The following CFAP77 variants were observed in gnomAD, a reference collection of about 807,000 sequenced individuals.
CFAP77 encodes the protein cilia- and flagella-associated protein 77.
In CFAP77, 25 loss-of-function variants were observed where a neutral mutation model predicts 31.1. The observed-to-expected ratio is 0.80, with a 90% CI of 0.59 to 1.12. CFAP77 has a LOEUF of 1.12. Ranked by LOEUF, CFAP77 falls within the 50% of genes most tolerant of loss-of-function variation. The pLI is 0.00. For synonymous variants in CFAP77, 151 were observed against 159.9 expected, an observed-to-expected ratio of 0.94 and a Z score of 0.42; for missense variants, 377 against 397.3, an observed-to-expected ratio of 0.95 and a Z score of 0.44.
chr9:132,449,748 T>C (rs1434246627), intron 1 of CFAP77, among the ~76,000 whole-genome samples: 13 of 152,216 alleles, frequency 8.5e-5, no homozygotes, highest in Admixed American at 8.5e-4. Flanking sequence ...TTTGCAAGGT[T>C]CTGCGATATC....
At chr9:132,537,219 T>A (rs1589914109) in intron 3 of CFAP77, among the ~76,000 whole-genome samples, 1 of 151,802 alleles carries the variant, frequency 6.6e-6, no homozygotes, top group Non-Finnish European at 1.5e-5. Context: ...GGGGTGCAGG[T>A]GAGGAACTTA....
At chr9:132,546,251 A>C (rs1414296422) in intron 5 of CFAP77, among the ~76,000 whole-genome samples, 1 of 152,058 alleles carries the variant, frequency 6.6e-6, no homozygotes, top group Non-Finnish European at 1.5e-5. Flanking sequence ...CTGGGCCTGG[A>C]CTCAGGGGTC....
intron 1 of CFAP77, among the ~76,000 whole-genome samples, chr9:132,460,784 A>G (rs1385463769): frequency 1.3e-5 from 2 of 152,162 alleles, no homozygotes; most frequent in African/African-American, 4.8e-5. Flanking sequence ...GCTGGAGTGC[A>G]GTGCAATCTC....
intron 1 of CFAP77, among the ~76,000 whole-genome samples, chr9:132,438,541 A>ATATATAT: frequency 1.8e-5 from 2 of 108,154 alleles, no homozygotes; most frequent in Non-Finnish European, 3.6e-5. Context: ...ATATATATAT[A>ATATATAT]TTTTTTTTTT....
intron 5 of CFAP77, among the ~76,000 whole-genome samples, chr9:132,550,409 C>T (rs945378912): frequency 1.3e-5 from 2 of 151,954 alleles, no homozygotes; most frequent in African/African-American, 2.4e-5. Context: ...TTTCTTCTTC[C>T]GACTTCTAGC....
rs1210587976 is a variant in CFAP77, at chr9:132,554,349, A to AT, written c.732+11305dup. On this transcript the variant is annotated intron_variant, in intron 5 of 5. Coordinates refer to ENST00000393216, the MANE Select transcript of CFAP77 (RefSeq NM_001282957.2). The surrounding 1 kb of genome is among the most constrained non-coding windows in gnomAD (Gnocchi z 4.1). ...TTTATGCAACCCTTATTTTTATTTT[A>AT]TTTATTTTTTTTTTTGAGACAGGCT... 6.6e-6 allele frequency among the ~76,000 whole-genome samples: 1 copy of AT among 150,480 alleles called. No homozygotes were observed. Among genetic ancestry groups the AT allele is most frequent in the Non-Finnish European group, 1.5e-5 (1 of 67,800 alleles).
chr9:132,481,417 C>T lies in CFAP77; in HGVS notation c.196-17278C>T, dbSNP rs573778870. On this transcript the variant is annotated intron_variant, in intron 1 of 5. Transcript: ENST00000393216. This position sits in a 1 kb window ranked among gnomAD's most constrained non-coding sequence, Gnocchi z 5.0. ...CCTATTTCTTTTCCCTTTGACTAGC[C>T]GCCTAATCCTCGAACTCACTCCTTA... is the stretch of plus-strand genomic sequence containing the variant. Among the ~76,000 whole-genome samples the T allele has an allele frequency of 6.6e-6, 1 of 152,300 alleles. No homozygotes were observed. The highest frequency in any genetic ancestry group is 2.4e-5 in the African/African-American group (1 of 41,554).
rs573537640 is a variant in CFAP77 at position 132,511,278 on chromosome 9, C to T, written c.524+11678C>T. Among the ~76,000 whole-genome samples, 1 of 152,266 alleles carries T rather than the reference C, an allele frequency of 6.6e-6. No individual in the cohort carries two copies. Among genetic ancestry groups the T allele is most frequent in the Admixed American group, 6.5e-5 (1 of 15,288 alleles). On this transcript the variant is annotated intron_variant, in intron 3 of 5. Coordinates refer to ENST00000393216, the MANE Select transcript of CFAP77 (RefSeq NM_001282957.2). This position sits in a 1 kb window ranked among gnomAD's most constrained non-coding sequence, Gnocchi z 5.8. ...CTTCAGTCCCCTGAACTCCCTCCCT[C>T]CCCACGTTTCTCTGGACTCACAGGT...
chr9:132,452,764 A>G (rs1850848255), intron 1 of CFAP77, among the ~76,000 whole-genome samples: 1 of 152,134 alleles, frequency 6.6e-6, no homozygotes. Flanking sequence ...GGGGTGCCTC[A>G]TGCAGCAGGG....
chr9:132,442,301 A>T (rs1589852515), intron 1 of CFAP77, among the ~76,000 whole-genome samples: 1 of 152,248 alleles, frequency 6.6e-6, no homozygotes, highest in Admixed American at 6.5e-5. Flanking sequence ...CTATAATCCC[A>T]GCACTTTGGG....
intron 5 of CFAP77, among the ~76,000 whole-genome samples, chr9:132,559,858 G>A (rs931558956): frequency 8.5e-5 from 13 of 152,172 alleles, no homozygotes; most frequent in South Asian, 4.1e-4. Context: ...GGAATGAAGC[G>A]GTCCTCTGTG....
intron 3 of CFAP77, among the ~76,000 whole-genome samples, chr9:132,503,028 C>T (rs971825516): frequency 6.6e-6 from 1 of 152,168 alleles, no homozygotes; most frequent in Admixed American, 6.5e-5. Flanking sequence ...TAAGTTTTCC[C>T]ACCTCTCGTG....
At chr9:132,515,097 C>T (rs529339152) in intron 3 of CFAP77, among the ~76,000 whole-genome samples, 178 of 152,146 alleles carry the variant, frequency 1.2e-3, no homozygotes, top group Middle Eastern at 3.4e-3. Context: ...AACCACTTGG[C>T]GGGGGTGGGG....
chr9:132,518,242 G>A (rs192111082), intron 3 of CFAP77, among the ~76,000 whole-genome samples: 111 of 152,164 alleles, frequency 7.3e-4, no homozygotes, highest in African/African-American at 2.6e-3. Flanking sequence ...AGGACAAATC[G>A]GACTCCTTTG....
chr9:132,447,595 G>T (rs1850747838), intron 1 of CFAP77, among the ~76,000 whole-genome samples: 1 of 152,210 alleles, frequency 6.6e-6, no homozygotes. Flanking sequence ...GCTGCGGTCG[G>T]TCCGCGTAGA....
intron 1 of CFAP77, among the ~76,000 whole-genome samples, chr9:132,469,609 C>G (rs567423367): frequency 6.0e-4 from 92 of 152,124 alleles, no homozygotes; most frequent in Non-Finnish European, 1.2e-3. Flanking sequence ...CCATGCATCA[C>G]TTATGGGCTT....
At chr9:132,486,282 T>C (rs146284204) in intron 1 of CFAP77, among the ~76,000 whole-genome samples, 2,825 of 150,078 alleles carry the variant, frequency 0.019, 93 homozygotes, top group African/African-American at 0.064. Flanking sequence ...TTAATAGAGA[T>C]GGCGTTTCAC....
At chr9:132,530,127 CTTTCT>C (rs1460175661) in intron 3 of CFAP77, among the ~76,000 whole-genome samples, 4 of 106,322 alleles carry the variant, frequency 3.8e-5, no homozygotes, top group East Asian at 2.6e-4. Context: ...TCTTTTCTTT[CTTTCT>C]TTTCTTTTTT....
At chr9:132,502,939 A>G (rs1789560524) in intron 3 of CFAP77, among the ~76,000 whole-genome samples, 1 of 152,194 alleles carries the variant, frequency 6.6e-6, no homozygotes, top group African/African-American at 2.4e-5. Flanking sequence ...CATCCTACTC[A>G]TGGGAAAGAA....
Sources: gnomAD v4.1 joint callset for allele counts (sites outside exome capture counted in the v4.1 genomes callset) on GRCh38, gnomAD v4.1.1 for gene constraint, Gnocchi (gnomAD v3.1) non-coding constraint, MANE v1.5 for transcripts, NCBI Gene and HGNC (gene_info 2026-07-23, HGNC 2026-07-21) for gene names.